HGS: variants seen among roughly 807,000 people sequenced by gnomAD.
HGS encodes the protein hepatocyte growth factor-regulated tyrosine kinase substrate, also known as human growth factor-regulated tyrosine kinase substrate.
In HGS, 63 loss-of-function variants were observed where a neutral mutation model predicts 109.7. The ratio of observed to expected loss-of-function variants is 0.57; its 90% CI spans 0.47 to 0.71. HGS has a LOEUF of 0.71. Among genes scored for constraint, HGS ranks in the 30% least tolerant of loss-of-function variants. The probability of loss-of-function intolerance (pLI) is 0.00; values close to 1 mark genes in which losing one functional copy is unlikely to be tolerated. For synonymous variants in HGS, 546 were observed against 437.3 expected, an observed-to-expected ratio of 1.25 and a Z score of -3.10; for missense variants, 995 against 1,068.3, an observed-to-expected ratio of 0.93 and a Z score of 0.96.
At chr17:81,697,084 C>T (rs113054751) in intron 18 of HGS, 86 bp downstream of exon 18, 20 of 1,396,018 alleles carry the variant, frequency 1.4e-5, no homozygotes, top group South Asian at 1.0e-4. Flanking sequence ...AAGAATGGTG[C>T]GAAGGGTTTT....
Position 81,685,501 on chromosome 17 carries a change from C to T in HGS, c.38-104C>T, listed in dbSNP as rs1234321099. ...ATGCTTTTTCATTTGGTCCAAATGT[C>T]TAAAGGGGAAGGAGAGAGTCCCCCC... is the stretch of plus-strand genomic sequence containing the variant. On this transcript the variant is annotated intron_variant, in intron 1 of 21. Transcript: ENST00000329138. 5.7e-6 allele frequency: 4 copies of T among 696,536 alleles called. No homozygotes were observed. In the East Asian group the frequency reaches 8.2e-5, roughly 14 times the overall value. The allele number at this position is 696,536 out of a possible 1,614,324, so 43.1% of individuals were successfully genotyped here.
At chr17:81,688,920 G>A in intron 5 of HGS, 93 bp downstream of exon 5, 1 of 1,517,510 alleles carries the variant, frequency 6.6e-7, no homozygotes, top group Non-Finnish European at 9.1e-7. Context: ...CTGGGAAGAT[G>A]GGTTGTTCCC....
At chr17:81,689,244 C>T (rs1007547873) in intron 5 of HGS, among the ~76,000 whole-genome samples, 2 of 152,228 alleles carry the variant, frequency 1.3e-5, no homozygotes, top group African/African-American at 4.8e-5. Context: ...GGTTGAGGCC[C>T]CAGGGCAGAA....
chr17:81,696,466 G>A lies in HGS; in HGVS notation c.1503G>A (p.Glu501=). The change falls in exon 16 of 22, where the codon GAG becomes GAA. Residue 501 remains glutamate, a synonymous_variant. Coordinates refer to ENST00000329138, the MANE Select transcript of HGS (RefSeq NM_004712.5). ...AGAAGCTTCGCCGGGCAGCCGAGGA[G>A]GCAGAGCGCCAGCGCCAGATCCAGC... is the stretch of plus-strand genomic sequence containing the variant. ...HREKLRRAAE[E]AERQRQIQLA... 2 of 1,538,456 alleles carry A rather than the reference G, an allele frequency of 1.3e-6. No homozygotes were observed. The highest frequency in any genetic ancestry group is 2.3e-5 in the East Asian group (1 of 43,174).
Position 81,693,911 on chromosome 17 carries a change from C to T in HGS, c.882C>T (p.Pro294=). ...STYTSYPKAE[P]MPSASSAPPA... ...ACACTTCGTACCCCAAGGCGGAGCC[C>T]ATGCCCTCGGCCTCCTCAGCGCCCC... Residue 294 remains proline, a synonymous_variant, in exon 11 of 22, where the codon CCC becomes CCT. Coordinates refer to ENST00000329138, the MANE Select transcript of HGS (RefSeq NM_004712.5). 6.2e-7 allele frequency: 1 copy of T among 1,611,814 alleles called. No homozygotes were observed.
At chr17:81,687,242 G>A (rs886865217) in intron 4 of HGS, 147 bp downstream of exon 4, 11 of 645,746 alleles carry the variant, frequency 1.7e-5, no homozygotes, top group Admixed American at 9.0e-5. Context: ...GCGCAAGCTC[G>A]CACTCATGAG....
At chr17:81,685,516 A>AGAGTCCCCCC in intron 1 of HGS, 89 bp from the exon 2 acceptor site, 3 of 769,214 alleles carry the variant, frequency 3.9e-6, no homozygotes, top group Non-Finnish European at 6.5e-6. Flanking sequence ...GGGGAAGGAG[A>AGAGTCCCCCC]GAGTCCCCCC....
At chr17:81,687,163 G>C in intron 4 of HGS, 68 bp downstream of exon 4, 3 of 1,054,434 alleles carry the variant, frequency 2.8e-6, no homozygotes, top group Non-Finnish European at 4.4e-6. Context: ...GTGTTTACTG[G>C]GCACTGATGA....
chr17:81,690,557 C>G (rs912624498), intron 6 of HGS, 117 bp from the exon 7 acceptor site: 19 of 1,018,936 alleles, frequency 1.9e-5, no homozygotes, highest in African/African-American at 3.2e-5. Context: ...GGGCATTGCT[C>G]TCGCTCGTGC....
In HGS at chr17:81,700,678, A is replaced by T. The variant is rs1460968324; in HGVS notation, c.2017-17A>T. 1.4e-6 allele frequency: 2 copies of T among 1,436,526 alleles called. No homozygotes were observed. Among genetic ancestry groups the T allele is most frequent in the African/African-American group, 3.1e-5 (2 of 65,272 alleles). The allele number at this position is 1,436,526 out of a possible 1,614,324, so 89.0% of individuals were successfully genotyped here. Reference sequence around the variant, plus strand: ...CAGCCCCAGCCCCTTCTCCCATGGCACTCATTCCCTCCGCAGAACGTGGCC... The same window carrying T: ...CAGCCCCAGCCCCTTCTCCCATGGCTCTCATTCCCTCCGCAGAACGTGGCC... On this transcript the variant is annotated splice_polypyrimidine_tract_variant and intron_variant, in intron 19 of 21. Coordinates refer to ENST00000329138, the MANE Select transcript of HGS (RefSeq NM_004712.5).
Position 81,693,920 on chromosome 17 carries a change from G to A in HGS, c.891G>A (p.Ser297=), listed in dbSNP as rs34340361. ...TSYPKAEPMP[S]ASSAPPASSL... is the part of the protein sequence containing the mutation. ...ACCCCAAGGCGGAGCCCATGCCCTC[G>A]GCCTCCTCAGCGCCCCCCGCCAGCA... Residue 297 remains serine (S), a synonymous_variant, in exon 11 of 22, where the codon TCG becomes TCA. Transcript: ENST00000329138. 1.2e-6 allele frequency: 2 copies of A among 1,611,458 alleles called. No individual in the cohort carries two copies. Among genetic ancestry groups the A allele is most frequent in the East Asian group, 2.2e-5 (1 of 44,878 alleles).
At chr17:81,699,775 C>A (rs932934177) in intron 18 of HGS, among the ~76,000 whole-genome samples, 1 of 150,022 alleles carries the variant, frequency 6.7e-6, no homozygotes, top group Non-Finnish European at 1.5e-5. Context: ...CCAAAAGTCA[C>A]AACAAAAAGG....
intron 4 of HGS, among the ~76,000 whole-genome samples, 177 bp downstream of exon 4, chr17:81,687,272 A>T (rs1432291694): frequency 6.6e-6 from 1 of 152,214 alleles, no homozygotes; most frequent in Non-Finnish European, 1.5e-5. Context: ...CAGGGCCGTG[A>T]GCCCCAATCC....
chr17:81,699,367 A>G (rs2037199083), intron 18 of HGS, among the ~76,000 whole-genome samples: 1 of 152,202 alleles, frequency 6.6e-6, no homozygotes, highest in Admixed American at 6.5e-5. Context: ...CATTTCAAAT[A>G]CAGTTTGGTT....
In HGS at chr17:81,693,600, C is replaced by A. The variant is rs1234821923; in HGVS notation, c.741+19C>A. 1.3e-6 allele frequency: 2 copies of A among 1,561,902 alleles called. No homozygotes were observed. Among genetic ancestry groups the A allele is most frequent in the Non-Finnish European group, 1.8e-6 (2 of 1,142,146 alleles). On this transcript the variant is annotated intron_variant, in intron 9 of 21. Transcript: ENST00000329138. ...GTCCCAGGTACTCAGCCCCCTCCGTCCCGTGGGCACCTCTTCCCCGGCGCC... is the reference window on the plus strand; with the variant it reads ...GTCCCAGGTACTCAGCCCCCTCCGTACCGTGGGCACCTCTTCCCCGGCGCC...
In HGS at chr17:81,691,255, TG is replaced by T. The variant is rs1277124232; in HGVS notation, c.538-190del. ...ACCTTATTTTCCCCAAAACGGTGGC[TG>T]GCGTTGAGACTCCCGGGAGCATGTC... On this transcript the variant is annotated intron_variant, in intron 7 of 21. Transcript: ENST00000329138. The surrounding 1 kb of genome is among the most constrained non-coding windows in gnomAD (Gnocchi z 5.3). 9.4e-6 allele frequency: 6 copies of T among 635,070 alleles called. No homozygotes were observed. In the East Asian group the frequency reaches 1.3e-4, roughly 14 times the overall value. The allele number at this position is 635,070 out of a possible 1,614,324, so 39.3% of individuals were successfully genotyped here.
In HGS at chr17:81,701,131, G is replaced by C; in HGVS notation, c.2223G>C (p.Gln741His). ...YIAGQQPMYQ[Q>H]MAPSGGPPQQ... is the part of the protein sequence containing the mutation. ...CGGGGCAGCAGCCCATGTACCAGCA[G>C]GTGAGCCATTCCCGGGGCCTCACAG... Residue 741 changes from glutamine (Q) to histidine (H), a missense_variant and splice_region_variant, in exon 21 of 22, where the codon CAG (glutamine) becomes CAC (histidine). Gln to His is a conservative substitution (Grantham distance 24). Coordinates refer to ENST00000329138, the MANE Select transcript of HGS (RefSeq NM_004712.5). 1 of 1,613,524 alleles carries C rather than the reference G, an allele frequency of 6.2e-7. No homozygotes were observed. The highest frequency in any genetic ancestry group is 8.5e-7 in the Non-Finnish European group (1 of 1,179,740).
At chr17:81,685,178 C>A in intron 1 of HGS, 1 of 553,832 alleles carries the variant, frequency 1.8e-6, no homozygotes, top group Non-Finnish European at 2.3e-6. Context: ...AGCCCTTGCC[C>A]AAGCTAAGGT....
At chr17:81,699,305 T>A (rs144402581) in intron 18 of HGS, among the ~76,000 whole-genome samples, 1 of 152,340 alleles carries the variant, frequency 6.6e-6, no homozygotes, top group East Asian at 1.9e-4. Flanking sequence ...GATTTTGGGT[T>A]CAGAAGTTAC....
Sources: allele counts gnomAD v4.1 joint callset (sites outside exome capture counted in the v4.1 genomes callset), GRCh38; gene constraint gnomAD v4.1.1; non-coding constraint Gnocchi (gnomAD v3.1); transcripts MANE v1.5; gene names NCBI Gene and HGNC (gene_info 2026-07-23, HGNC 2026-07-21).